PTPRA: variants seen among roughly 807,000 people sequenced by gnomAD.
PTPRA encodes receptor-type tyrosine-protein phosphatase alpha.
PTPRA carries 25 observed loss-of-function variants against 104.8 expected under a neutral mutation model. The observed-to-expected ratio is 0.24, with a 90% CI of 0.17 to 0.33. The LOEUF is 0.33. Ranked by LOEUF, PTPRA falls within the 10% of genes least tolerant of loss-of-function variation. The pLI is 1.00. For synonymous variants in PTPRA, 323 were observed against 368.9 expected (o/e 0.88, Z 1.43); for missense variants, 765 against 1,015.3 (o/e 0.75, Z 3.35).
chr20:2,895,580 G>A (rs1386120564), intron 1 of PTPRA, among the ~76,000 whole-genome samples: 2 of 151,614 alleles, frequency 1.3e-5, no homozygotes, highest in African/African-American at 4.9e-5. Context: ...GCAATGGCAC[G>A]ATCCTGGCTC....
intron 1 of PTPRA, among the ~76,000 whole-genome samples, chr20:2,921,903 C>G (rs1172584639): frequency 6.6e-6 from 1 of 152,130 alleles, no homozygotes; most frequent in South Asian, 2.1e-4. Flanking sequence ...GATCTTTGAT[C>G]AATGTAGAGA....
At chr20:2,990,001 A>G (rs1261974453) in intron 9 of PTPRA, among the ~76,000 whole-genome samples, 1 of 152,094 alleles carries the variant, frequency 6.6e-6, no homozygotes, top group Non-Finnish European at 1.5e-5. Context: ...TGGGCAACAG[A>G]GGGAGACCCC....
intron 9 of PTPRA, among the ~76,000 whole-genome samples, chr20:2,994,642 A>G (rs184221655): frequency 6.6e-6 from 1 of 152,348 alleles, no homozygotes; most frequent in Admixed American, 6.5e-5. Context: ...CTGAGCCTTT[A>G]GAGTCCATAT....
At chr20:2,954,537 A>T (rs2061468100) in intron 3 of PTPRA, among the ~76,000 whole-genome samples, 1 of 152,148 alleles carries the variant, frequency 6.6e-6, no homozygotes, top group African/African-American at 2.4e-5. Context: ...TGCCCATTTT[A>T]AAAATTAGGT....
At chr20:2,885,925 G>A (rs976228184) in intron 1 of PTPRA, among the ~76,000 whole-genome samples, 6 of 152,138 alleles carry the variant, frequency 3.9e-5, no homozygotes, top group Admixed American at 2.0e-4. Context: ...TTAGCTGGGC[G>A]TGGTGGCACG....
chr20:3,020,351 G>T (rs1323733074), intron 13 of PTPRA, among the ~76,000 whole-genome samples: 1 of 151,948 alleles, frequency 6.6e-6, no homozygotes, highest in Non-Finnish European at 1.5e-5. Context: ...ACCCACCTCG[G>T]CCTCCCAAAG....
At chr20:3,005,535 G>A (rs2063823003) in intron 10 of PTPRA, among the ~76,000 whole-genome samples, 1 of 151,740 alleles carries the variant, frequency 6.6e-6, no homozygotes. Context: ...TGGGTGACAG[G>A]GCAAGACCGT....
chr20:3,006,947 T>C (rs1157195418), intron 10 of PTPRA, among the ~76,000 whole-genome samples: 1 of 152,156 alleles, frequency 6.6e-6, no homozygotes, highest in Non-Finnish European at 1.5e-5. Context: ...CTTATTTATG[T>C]GCACATGTTG....
At chr20:2,867,523 CG>C in the PTPRA span, among the ~76,000 whole-genome samples, 5 of 149,132 alleles carry the variant, frequency 3.4e-5, no homozygotes, top group African/African-American at 7.6e-5. Flanking sequence ...TCTAGCCCTC[CG>C]TTGGCACTCC....
At chr20:2,906,002 C>T (rs893955094) in intron 1 of PTPRA, among the ~76,000 whole-genome samples, 21 of 152,032 alleles carry the variant, frequency 1.4e-4, no homozygotes, top group South Asian at 4.1e-4. Context: ...AATTCTTAAA[C>T]GATCTATACT....
chr20:2,923,930 T>G (rs964519803), intron 2 of PTPRA, among the ~76,000 whole-genome samples: 4 of 152,228 alleles, frequency 2.6e-5, no homozygotes, highest in African/African-American at 9.6e-5. Context: ...TTTAGAAAAC[T>G]CTTTGGCAAT....
chr20:2,890,899 T>C (rs2058767414), intron 1 of PTPRA, among the ~76,000 whole-genome samples: 1 of 152,192 alleles, frequency 6.6e-6, no homozygotes, highest in African/African-American at 2.4e-5. Flanking sequence ...TGGTTTCAGC[T>C]TCCTTGCTAA....
chr20:3,021,157 A>C (rs2064848462), intron 13 of PTPRA, 152 bp from the exon 14 acceptor site: 1 of 1,062,854 alleles, frequency 9.4e-7, no homozygotes, highest in Admixed American at 2.4e-5. Context: ...AATTTGAATA[A>C]GTAAGTGTGC....
At position 2,976,745 on chromosome 20, in the gene PTPRA, T is replaced by C. The variant is rs148499975; in HGVS notation, c.442+1504T>C. Reference sequence around the variant, plus strand: ...CCCATTCTAATTTTAAGCCAAATGCTTTTTGAGAAATAAGCCAGCTGTTTG... The same window carrying C: ...CCCATTCTAATTTTAAGCCAAATGCCTTTTGAGAAATAAGCCAGCTGTTTG... On this transcript the variant is annotated intron_variant, in intron 6 of 23. Coordinates refer to ENST00000399903, the MANE Select transcript of PTPRA (RefSeq NM_001385305.1). Among the ~76,000 whole-genome samples the C allele has an allele frequency of 3.3e-4, 51 of 152,356 alleles. No homozygotes were observed. The East Asian group carries it at 9.6e-3, about 29-fold the overall frequency.
intron 11 of PTPRA, among the ~76,000 whole-genome samples, chr20:3,015,214 A>G (rs1416018319): frequency 6.6e-6 from 1 of 152,062 alleles, no homozygotes; most frequent in Non-Finnish European, 1.5e-5. Flanking sequence ...TAACACTGAA[A>G]TCTACATTGT....
the PTPRA span, chr20:2,866,554 G>A: frequency 6.2e-7 from 1 of 1,614,154 alleles, no homozygotes; most frequent in South Asian, 1.1e-5. Context: ...ACGGGCCAGG[G>A]CACAAGCCCA....
intron 1 of PTPRA, among the ~76,000 whole-genome samples, chr20:2,905,402 C>T (rs2059388273): frequency 6.6e-6 from 1 of 152,196 alleles, no homozygotes; most frequent in Non-Finnish European, 1.5e-5. Context: ...CTCTCTAGCA[C>T]ATCTTGCCTT....
intron 3 of PTPRA, among the ~76,000 whole-genome samples, chr20:2,951,299 A>G (rs2061346295): frequency 6.6e-6 from 1 of 151,952 alleles, no homozygotes; most frequent in African/African-American, 2.4e-5. Context: ...ACGGGGTTTC[A>G]CCATGTTAGC....
At chr20:2,967,157 T>C (rs2061976149) in intron 5 of PTPRA, among the ~76,000 whole-genome samples, 1 of 152,256 alleles carries the variant, frequency 6.6e-6, no homozygotes, top group South Asian at 2.1e-4. Flanking sequence ...GGCCTATTTC[T>C]CACTTTTGCG....
Sources: allele counts gnomAD v4.1 joint callset (sites outside exome capture counted in the v4.1 genomes callset), GRCh38; gene constraint gnomAD v4.1.1; transcripts MANE v1.5; gene names NCBI Gene and HGNC (gene_info 2026-07-23, HGNC 2026-07-21).